POLA1: variants seen among roughly 807,000 people sequenced by gnomAD.
POLA1 encodes DNA polymerase alpha catalytic subunit.
In POLA1, 15 loss-of-function variants were observed where a neutral mutation model predicts 124.0. The ratio of observed to expected loss-of-function variants is 0.12; its 90% CI spans 0.08 to 0.19. POLA1 has a LOEUF of 0.19. Among genes scored for constraint, POLA1 ranks in the 10% least tolerant of loss-of-function variants. The probability of loss-of-function intolerance (pLI) is 1.00; values close to 1 mark genes in which losing one functional copy is unlikely to be tolerated. For synonymous variants in POLA1, 408 were observed against 389.4 expected (o/e 1.05, Z -0.56); for missense variants, 886 against 1,103.4 (o/e 0.80, Z 2.79).
chrX:24,724,483 CTGTT>C (rs770051691), intron 12 of POLA1, 32 bp downstream of exon 12: 17 of 669,489 alleles, frequency 2.5e-5, no homozygotes, highest in East Asian at 6.8e-5. Flanking sequence ...TTTTCCAGCT[CTGTT>C]TGTTGTTTAT....
At chrX:24,738,202 A>G (rs1238247732) in intron 19 of POLA1, among the ~76,000 whole-genome samples, 14 of 82,375 alleles carry the variant, frequency 1.7e-4, no homozygotes, top group East Asian at 4.0e-4. Context: ...CCTGGGCGAC[A>G]GAGCGAGACT....
At position 24,714,536 on chromosome X, in the gene POLA1, T is replaced by G; in HGVS notation, c.347-18T>G. On this transcript the variant is annotated intron_variant, in intron 4 of 36. Transcript: ENST00000379068. ...ATTTTTGCTGATGCATGTTTCTAAATAATTCATATTCCAATAGGAAAAGAT... is the reference window on the plus strand; with the variant it reads ...ATTTTTGCTGATGCATGTTTCTAAAGAATTCATATTCCAATAGGAAAAGAT... 9.7e-7 allele frequency: 1 copy of G among 1,031,655 alleles called. No individual in the cohort carries two copies. The highest frequency in any genetic ancestry group is 1.3e-6 in the Non-Finnish European group (1 of 747,490). The allele number at this position is 1,031,655 out of a possible 1,213,427, so 85.0% of individuals were successfully genotyped here. A position where few individuals can be genotyped will look rare whatever the true frequency, so the allele number is the denominator to read the frequency against.
At chrX:24,979,077 C>T (rs2048395580) in intron 36 of POLA1, among the ~76,000 whole-genome samples, 1 of 112,022 alleles carries the variant, frequency 8.9e-6, no homozygotes, top group Non-Finnish European at 1.9e-5. Flanking sequence ...TCCTCTTTTT[C>T]CCTTTATTAG....
intron 34 of POLA1, among the ~76,000 whole-genome samples, chrX:24,865,758 A>G (rs2046785357): frequency 8.9e-6 from 1 of 111,910 alleles, no homozygotes; most frequent in Non-Finnish European, 1.9e-5. Context: ...TCTATAGATA[A>G]GGAGAAATTG....
At chrX:24,904,851 C>T (rs2047337387) in intron 35 of POLA1, among the ~76,000 whole-genome samples, 1 of 110,730 alleles carries the variant, frequency 9.0e-6, no homozygotes, top group South Asian at 3.9e-4. Context: ...ATGGCAAAAC[C>T]CTGTCTCTAC....
At chrX:24,725,104 C>CT (rs1258832257) in intron 12 of POLA1, among the ~76,000 whole-genome samples, 1 of 110,384 alleles carries the variant, frequency 9.1e-6, no homozygotes. Flanking sequence ...TGGTGAAGAG[C>CT]TTAGGTGCTG....
chrX:24,919,820 GT>G (rs1324232190), intron 35 of POLA1, among the ~76,000 whole-genome samples: 107 of 29,555 alleles, frequency 3.6e-3, no homozygotes, highest in Non-Finnish European at 5.4e-3. Context: ...TTTTTTTTTT[GT>G]TTTTTTTTTT....
At chrX:24,834,433 T>G (rs959748412) in intron 32 of POLA1, among the ~76,000 whole-genome samples, 1 of 112,250 alleles carries the variant, frequency 8.9e-6, no homozygotes, top group Non-Finnish European at 1.9e-5. Context: ...TGTCTGACAC[T>G]TATACAGTAA....
At chrX:24,943,152 T>C (rs2047925302) in intron 36 of POLA1, among the ~76,000 whole-genome samples, 1 of 112,727 alleles carries the variant, frequency 8.9e-6, no homozygotes, top group Non-Finnish European at 1.9e-5. Context: ...CAGAATATAA[T>C]AATGTAAGTA....
At chrX:24,849,077 G>A (rs2046513111) in intron 34 of POLA1, among the ~76,000 whole-genome samples, 1 of 113,136 alleles carries the variant, frequency 8.8e-6, no homozygotes, top group Non-Finnish European at 1.9e-5. Context: ...AGTTCAAAAA[G>A]TTTAAGCACT....
intron 30 of POLA1, among the ~76,000 whole-genome samples, chrX:24,816,505 C>G (rs944928943): frequency 2.7e-5 from 3 of 112,317 alleles, no homozygotes; most frequent in African/African-American, 9.7e-5. Context: ...GTCACTGGCT[C>G]TCCACTTTAA....
At chrX:24,887,585 A>C (rs2047080577) in intron 34 of POLA1, among the ~76,000 whole-genome samples, 1 of 111,967 alleles carries the variant, frequency 8.9e-6, no homozygotes, top group Admixed American at 9.5e-5. Flanking sequence ...ACAGCACAGC[A>C]ATTAAGTAAC....
At chrX:24,709,770 G>A (rs1929236907) in intron 4 of POLA1, among the ~76,000 whole-genome samples, 1 of 58,374 alleles carries the variant, frequency 1.7e-5, no homozygotes, top group Non-Finnish European at 3.4e-5. Context: ...GGGCAGAGGC[G>A]CTCCCCACAT....
At chrX:24,768,324 G>A (rs1366405803) in intron 26 of POLA1, among the ~76,000 whole-genome samples, 1 of 112,166 alleles carries the variant, frequency 8.9e-6, no homozygotes, top group Non-Finnish European at 1.9e-5. Flanking sequence ...AGAGGATTGG[G>A]TGATGAAGCA....
intron 26 of POLA1, among the ~76,000 whole-genome samples, chrX:24,789,696 C>T (rs930575372): frequency 3.6e-5 from 4 of 111,496 alleles, no homozygotes; most frequent in Admixed American, 9.5e-5. Context: ...GATTTTTATT[C>T]GTATTTAAAG....
rs1188192447 is a variant in POLA1 at position 24,812,447 on chromosome X, T to G, written c.3091-211T>G. Among the ~76,000 whole-genome samples, 5 of 111,579 alleles carry G rather than the reference T, an allele frequency of 4.5e-5. No homozygotes were observed. In the East Asian group the frequency reaches 1.4e-3, roughly 31 times the overall value. ...GATGATCTATTATTGTCTCTCTCTCTCTCTTTTTTTTAATCTATTTTTGTC... is the reference window on the plus strand; with the variant it reads ...GATGATCTATTATTGTCTCTCTCTCGCTCTTTTTTTTAATCTATTTTTGTC... On this transcript the variant is annotated intron_variant, in intron 28 of 36. Transcript: ENST00000379068.
At chrX:24,816,769 G>T (rs1218203198) in intron 30 of POLA1, among the ~76,000 whole-genome samples, 2 of 111,316 alleles carry the variant, frequency 1.8e-5, no homozygotes, top group Non-Finnish European at 3.8e-5. Flanking sequence ...CTGCATAATT[G>T]GCAAAATAAC....
chrX:24,716,956 C>T lies in POLA1; in HGVS notation c.691C>T (p.Arg231Cys), dbSNP rs750378412. 90 of 1,182,115 alleles carry T rather than the reference C, an allele frequency of 7.6e-5. No individual in the cohort carries two copies. The South Asian group carries it at 1.2e-3, about 16-fold the overall frequency. Residue 231 changes from arginine to cysteine, a missense_variant, in exon 8 of 37, where the codon CGT becomes TGT. Physicochemically the swap from Arg to Cys is radical, Grantham distance 180. Coordinates refer to ENST00000379068, the MANE Select transcript of POLA1 (RefSeq NM_001330360.2). ...TCCATTAACTCCTGTTCCTCTTAAA[C>T]GTGCTGAATTTGCTGGTAAGTGTGA... ...EPPLTPVPLK[R>C]AEFAGDDVQV...
Position 24,864,725 on chromosome X carries a change from TG to T in POLA1, c.4047+21049del, listed in dbSNP as rs201761731. On this transcript the variant is annotated intron_variant, in intron 34 of 36. Coordinates refer to ENST00000379068, the MANE Select transcript of POLA1 (RefSeq NM_001330360.2). ...TTTCGTGGACATCACAGCTATGGAA[TG>T]TTTTTTTTTTTTTCCTCTGAATCCC... 1.8e-4 allele frequency among the ~76,000 whole-genome samples: 20 copies of T among 109,249 alleles called. No individual in the cohort carries two copies. The East Asian group carries it at 3.7e-3, about 20-fold the overall frequency. The allele number at this position is 109,249 out of a possible 115,157, so 94.9% of individuals were successfully genotyped here.
Sources: gnomAD v4.1 joint callset for allele counts (sites outside exome capture counted in the v4.1 genomes callset) on GRCh38, gnomAD v4.1.1 for gene constraint, MANE v1.5 for transcripts, NCBI Gene and HGNC (gene_info 2026-07-23, HGNC 2026-07-21) for gene names.